The following LRP1B variants were observed in gnomAD, a reference collection of about 807,000 sequenced individuals.
The protein encoded by LRP1B is LDL receptor related protein 1B.
Under a neutral mutation model 556.6 loss-of-function variants are expected in LRP1B, and 217 were observed. That is an observed-to-expected ratio of 0.39 (90% CI 0.35 to 0.44). LRP1B has a LOEUF of 0.44. Ranked by LOEUF, LRP1B falls within the 20% of genes least tolerant of loss-of-function variation. The pLI is 1.00. For synonymous variants in LRP1B, 2,047 were observed against 1,865.8 expected, an observed-to-expected ratio of 1.10 and a Z score of -2.50; for missense variants, 5,053 against 5,620.8, an observed-to-expected ratio of 0.90 and a Z score of 3.23.
intron 2 of LRP1B, among the ~76,000 whole-genome samples, chr2:141,746,764 A>G (rs961141971): frequency 4.6e-5 from 7 of 152,208 alleles, no homozygotes; most frequent in African/African-American, 1.7e-4. Context: ...AAAAAATGCC[A>G]ATAAACTAAA....
At chr2:140,953,266 T>A in intron 18 of LRP1B, among the ~76,000 whole-genome samples, 1 of 152,128 alleles carries the variant, frequency 6.6e-6, no homozygotes. Flanking sequence ...ATTTTTTGTA[T>A]TTTTAGTAGA....
intron 6 of LRP1B, among the ~76,000 whole-genome samples, chr2:141,212,017 TAAG>T (rs1682575273): frequency 6.6e-6 from 1 of 152,086 alleles, no homozygotes; most frequent in Non-Finnish European, 1.5e-5. Flanking sequence ...AAATAGAAGA[TAAG>T]AAGCTTTTAA....
chr2:140,924,685 G>A (rs1470745657), intron 20 of LRP1B, among the ~76,000 whole-genome samples: 1 of 152,152 alleles, frequency 6.6e-6, no homozygotes, highest in East Asian at 1.9e-4. Context: ...TTGAGTTTTG[G>A]CTTTCTTTAA....
chr2:141,571,468 G>GA lies in LRP1B; in HGVS notation c.206-90936dup, dbSNP rs200890462. ...AAACTAGACAAACTCACAAAGATAA[G>GA]AAAAAAAAATCAAAGAAAAAATGCT... On this transcript the variant is annotated intron_variant, in intron 2 of 90. Coordinates refer to ENST00000389484, the MANE Select transcript of LRP1B (RefSeq NM_018557.3). 2.5e-3 allele frequency among the ~76,000 whole-genome samples: 342 copies of GA among 138,136 alleles called. 4 individuals are homozygous for GA. Among genetic ancestry groups the GA allele is most frequent in the African/African-American group, 7.7e-3 (308 of 40,046 alleles). 90.6% of individuals were successfully genotyped at this position (138,136 alleles called of 152,430 possible).
intron 18 of LRP1B, among the ~76,000 whole-genome samples, chr2:140,953,296 A>G (rs2105305174): frequency 6.6e-6 from 1 of 152,200 alleles, no homozygotes; most frequent in East Asian, 1.9e-4. Context: ...TCACCATGTT[A>G]GCCAGGATGG....
intron 35 of LRP1B, among the ~76,000 whole-genome samples, chr2:140,753,354 T>C (rs1210618355): frequency 2.0e-5 from 3 of 152,212 alleles, no homozygotes; most frequent in African/African-American, 4.8e-5. Flanking sequence ...AACAATATGA[T>C]TTATCTCTCT....
chr2:141,200,536 G>A (rs183780100), intron 6 of LRP1B, among the ~76,000 whole-genome samples: 46 of 152,134 alleles, frequency 3.0e-4, no homozygotes, highest in East Asian at 2.5e-3. Context: ...CTTCATTCAA[G>A]TATCTGCTCA....
chr2:140,903,266 T>C (rs1573861891), intron 22 of LRP1B, 101 bp from the exon 23 acceptor site: 1 of 1,354,216 alleles, frequency 7.4e-7, no homozygotes. Context: ...TTAGCCAGGA[T>C]ACTACAAATG....
chr2:141,775,273 T>C (rs1695027555), intron 2 of LRP1B, among the ~76,000 whole-genome samples: 1 of 152,230 alleles, frequency 6.6e-6, no homozygotes, highest in African/African-American at 2.4e-5. Context: ...AAATGATCCT[T>C]GTTCACAGAC....
chr2:142,049,251 C>T (rs1001772684), intron 1 of LRP1B, among the ~76,000 whole-genome samples: 1 of 152,082 alleles, frequency 6.6e-6, no homozygotes, highest in Non-Finnish European at 1.5e-5. Flanking sequence ...TTGTTATATG[C>T]AATGCATGAA....
At chr2:140,927,644 G>A (rs1041346359) in intron 20 of LRP1B, among the ~76,000 whole-genome samples, 9 of 145,954 alleles carry the variant, frequency 6.2e-5, no homozygotes, top group South Asian at 2.2e-4. Flanking sequence ...GATAAAATTT[G>A]TTCTTTTATG....
At chr2:141,344,165 A>G (rs1688165551) in intron 3 of LRP1B, among the ~76,000 whole-genome samples, 2 of 152,090 alleles carry the variant, frequency 1.3e-5, no homozygotes, top group Non-Finnish European at 2.9e-5. Flanking sequence ...GGTAAATCTC[A>G]TCTCTGTCAT....
At chr2:140,405,646 T>A (rs2105236818) in intron 66 of LRP1B, among the ~76,000 whole-genome samples, 1 of 152,196 alleles carries the variant, frequency 6.6e-6, no homozygotes, top group Non-Finnish European at 1.5e-5. Context: ...CTAGATTAAA[T>A]CAGGAAGAAA....
intron 3 of LRP1B, among the ~76,000 whole-genome samples, chr2:141,453,401 CA>C (rs763433967): frequency 9.2e-5 from 14 of 152,022 alleles, no homozygotes; most frequent in Non-Finnish European, 1.9e-4. Flanking sequence ...TTCCAATTTC[CA>C]CTTCTCAACT....
In LRP1B at chr2:141,693,206, T is replaced by C. The variant is rs191964756; in HGVS notation, c.205+117073A>G. ...TATGCCCCCATTACTTTTTCAGCAA[T>C]TAGCATTTTTTTCTTGCCCGTAATT... On this transcript the variant is annotated intron_variant, in intron 2 of 90. Transcript: ENST00000389484. Among the ~76,000 whole-genome samples, 1,328 of 152,148 alleles carry C rather than the reference T, an allele frequency of 8.7e-3. 14 individuals are homozygous for C. The highest frequency in any genetic ancestry group is 0.014 in the Non-Finnish European group (982 of 67,958).
intron 69 of LRP1B, 88 bp downstream of exon 69, chr2:140,372,920 G>T (rs2105170562): frequency 3.7e-6 from 5 of 1,346,200 alleles, no homozygotes; most frequent in Admixed American, 3.7e-5. Flanking sequence ...TGACATATTT[G>T]CCACTGTTTT....
At chr2:141,656,252 C>T (rs1298049690) in intron 2 of LRP1B, among the ~76,000 whole-genome samples, 1 of 152,114 alleles carries the variant, frequency 6.6e-6, no homozygotes, top group Non-Finnish European at 1.5e-5. Context: ...AATAATGCCA[C>T]TCAGATACAA....
chr2:140,367,345 T>C (rs1052882093), intron 71 of LRP1B, among the ~76,000 whole-genome samples: 4 of 151,752 alleles, frequency 2.6e-5, no homozygotes, highest in Admixed American at 2.0e-4. Context: ...AATAGTACAA[T>C]TGTCTGCAAA....
intron 3 of LRP1B, among the ~76,000 whole-genome samples, chr2:141,342,699 G>A (rs965769517): frequency 1.3e-5 from 2 of 152,084 alleles, no homozygotes; most frequent in Non-Finnish European, 2.9e-5. Context: ...AACAAACAAA[G>A]CCTTCAAGAA....
Sources: allele counts gnomAD v4.1 joint callset (sites outside exome capture counted in the v4.1 genomes callset), GRCh38; gene constraint gnomAD v4.1.1; transcripts MANE v1.5; gene names NCBI Gene and HGNC (gene_info 2026-07-23, HGNC 2026-07-21).